Variants in NAALADL2 observed in about 807,000 individuals in gnomAD.
NAALADL2 encodes inactive N-acetylated-alpha-linked acidic dipeptidase-like protein 2.
NAALADL2 carries 76 observed loss-of-function variants against 87.2 expected under a neutral mutation model. That is an observed-to-expected ratio of 0.87 (90% CI 0.72 to 1.05). NAALADL2 has a LOEUF of 1.05. Among genes scored for constraint, NAALADL2 ranks in the 50% least tolerant of loss-of-function variants. The pLI is 0.00. For synonymous variants in NAALADL2, 354 were observed against 331.0 expected (o/e 1.07, Z -0.75); for missense variants, 1,089 against 945.8 (o/e 1.15, Z -1.99).
At position 175,316,713 on chromosome 3, in the gene NAALADL2, A is replaced by T. The variant is rs545043294; in HGVS notation, c.940-7462A>T. Among the ~76,000 whole-genome samples the T allele has an allele frequency of 3.9e-5, 6 of 152,256 alleles. No individual in the cohort carries two copies. The South Asian group carries it at 1.2e-3, about 32-fold the overall frequency. On this transcript the variant is annotated intron_variant, in intron 4 of 13. Transcript: ENST00000454872. The stretch of plus-strand genomic sequence containing the variant: ...GTAGCTTTGTCTTTGAATGCATTTT[A>T]AAAAATATAGTCCTTCCAGAGTAGC...
intron 11 of NAALADL2, among the ~76,000 whole-genome samples, chr3:175,690,850 T>C (rs1736948185): frequency 6.6e-6 from 1 of 152,028 alleles, no homozygotes; most frequent in Non-Finnish European, 1.5e-5. Flanking sequence ...ATAGTGATAA[T>C]ACTTTTTATG....
intron 2 of NAALADL2, among the ~76,000 whole-genome samples, chr3:174,605,355 A>T (rs1012773039): frequency 2.2e-4 from 34 of 152,320 alleles, no homozygotes; most frequent in African/African-American, 8.2e-4. Flanking sequence ...AAGCCGAAGC[A>T]GGACGAGGCA....
At chr3:174,553,231 T>C (rs143908652) in intron 2 of NAALADL2, among the ~76,000 whole-genome samples, 1 of 152,278 alleles carries the variant, frequency 6.6e-6, no homozygotes, top group East Asian at 1.9e-4. Flanking sequence ...AAAAATGTAT[T>C]AAATGGCAAA....
chr3:175,745,520 G>C (rs1745800205), intron 12 of NAALADL2, among the ~76,000 whole-genome samples: 1 of 152,084 alleles, frequency 6.6e-6, no homozygotes, highest in Non-Finnish European at 1.5e-5. Flanking sequence ...ATCATCTCTA[G>C]ATTACTTATA....
chr3:175,777,920 C>G (rs1363741238), intron 13 of NAALADL2, among the ~76,000 whole-genome samples: 1 of 152,166 alleles, frequency 6.6e-6, no homozygotes, highest in Non-Finnish European at 1.5e-5. Context: ...ATTTGCTTCT[C>G]TCAACCTACT....
At chr3:174,573,513 G>C (rs967647685) in intron 2 of NAALADL2, among the ~76,000 whole-genome samples, 1 of 152,122 alleles carries the variant, frequency 6.6e-6, no homozygotes, top group African/African-American at 2.4e-5. Context: ...ATCTAAGGCT[G>C]GGTAATTTAT....
intron 1 of NAALADL2, among the ~76,000 whole-genome samples, chr3:174,497,924 T>C (rs1515586): frequency 0.2 from 29,864 of 152,088 alleles, 3,124 homozygotes; most frequent in Middle Eastern, 0.28. Context: ...GCAAAATATT[T>C]TCAGTACAAA....
chr3:174,840,817 G>C (rs750557853), intron 3 of NAALADL2, among the ~76,000 whole-genome samples: 1 of 152,002 alleles, frequency 6.6e-6, no homozygotes. Flanking sequence ...TTACAGAAAC[G>C]TCTATTTTAA....
chr3:174,604,133 T>G (rs1484749148), intron 2 of NAALADL2, among the ~76,000 whole-genome samples: 1 of 152,160 alleles, frequency 6.6e-6, no homozygotes, highest in Non-Finnish European at 1.5e-5. Context: ...ATGTTCTATC[T>G]GGAAGATCAG....
chr3:175,312,937 T>G (rs1758571205), intron 4 of NAALADL2, among the ~76,000 whole-genome samples: 1 of 152,186 alleles, frequency 6.6e-6, no homozygotes, highest in Non-Finnish European at 1.5e-5. Flanking sequence ...TTATGTGGAT[T>G]TATTAGTTTG....
Position 175,267,897 on chromosome 3 carries a change from C to T in NAALADL2, c.939+11367C>T, listed in dbSNP as rs186133260. Among the ~76,000 whole-genome samples the T allele has an allele frequency of 1.3e-3, 197 of 152,246 alleles. 1 individual carries two copies. Among genetic ancestry groups the T allele is most frequent in the African/African-American group, 4.6e-3 (190 of 41,568 alleles). On this transcript the variant is annotated intron_variant, in intron 4 of 13. Transcript: ENST00000454872. ...TAAACATTCTAAGACTTCATTTTGT[C>T]CTTGTAAAACCAGTGTAATGATAGT...
chr3:174,851,255 A>G (rs1179263004), intron 3 of NAALADL2, among the ~76,000 whole-genome samples: 1 of 151,908 alleles, frequency 6.6e-6, no homozygotes, highest in African/African-American at 2.4e-5. Context: ...AATAATAAAT[A>G]TCAGAGCAGA....
intron 5 of NAALADL2, among the ~76,000 whole-genome samples, chr3:175,384,024 C>G (rs936790561): frequency 1.3e-5 from 2 of 152,136 alleles, no homozygotes; most frequent in South Asian, 2.1e-4. Context: ...CTTCTTGCCT[C>G]AAGGCTCTTA....
intron 5 of NAALADL2, among the ~76,000 whole-genome samples, chr3:175,403,889 T>A (rs1473640989): frequency 6.6e-6 from 1 of 152,138 alleles, no homozygotes; most frequent in Non-Finnish European, 1.5e-5. Context: ...AAACTTTATG[T>A]ATTTGTTTAT....
At chr3:174,816,419 T>C (rs894688362) in intron 3 of NAALADL2, among the ~76,000 whole-genome samples, 25 of 149,472 alleles carry the variant, frequency 1.7e-4, no homozygotes, top group South Asian at 8.4e-4. Context: ...TGTGCGTGTG[T>C]GTGTGTGTGT....
chr3:174,856,579 A>C (rs1249658578), upstream of NAALADL2, among the ~76,000 whole-genome samples: 1 of 152,090 alleles, frequency 6.6e-6, no homozygotes, highest in African/African-American at 2.4e-5. Flanking sequence ...CTTTCATGGT[A>C]ATTTGGTGCA....
At chr3:175,221,487 T>C (rs1206190155) in intron 2 of NAALADL2, among the ~76,000 whole-genome samples, 1 of 152,142 alleles carries the variant, frequency 6.6e-6, no homozygotes, top group East Asian at 1.9e-4. Flanking sequence ...ATTGGTCGAC[T>C]CATCTATTTT....
At chr3:174,901,608 GT>G (rs1413404159) in intron 1 of NAALADL2, among the ~76,000 whole-genome samples, 2 of 151,894 alleles carry the variant, frequency 1.3e-5, no homozygotes, top group African/African-American at 4.8e-5. Context: ...GATAAGCTGA[GT>G]TTTTTTTCAG....
chr3:175,784,158 A>G lies in NAALADL2; in HGVS notation c.2190-18847A>G, dbSNP rs1265361757. 2.0e-5 allele frequency among the ~76,000 whole-genome samples: 3 copies of G among 148,960 alleles called. No homozygotes were observed. In the East Asian group the frequency reaches 5.8e-4, roughly 29 times the overall value. ...AGGTTCATCAAGGATATTGGTCTAA[A>G]ATTCTCTTTTTTGGTTGTGTCTCTG... On this transcript the variant is annotated intron_variant, in intron 13 of 13. Coordinates refer to ENST00000454872, the MANE Select transcript of NAALADL2 (RefSeq NM_207015.3).
Sources: allele counts gnomAD v4.1 joint callset (sites outside exome capture counted in the v4.1 genomes callset), GRCh38; gene constraint gnomAD v4.1.1; transcripts MANE v1.5; gene names NCBI Gene and HGNC (gene_info 2026-07-23, HGNC 2026-07-21).